The following IWS1 variants were observed in gnomAD, a reference collection of about 807,000 sequenced individuals.
IWS1 encodes the protein protein IWS1 homolog.
In IWS1, 27 loss-of-function variants were observed where a neutral mutation model predicts 86.7. The ratio of observed to expected loss-of-function variants is 0.31; its 90% confidence interval spans 0.23 to 0.43. The LOEUF is 0.43. IWS1 is among the 20% of genes least tolerant of loss of function. The pLI is 1.00. For synonymous variants in IWS1, 313 were observed against 335.1 expected (o/e 0.93, Z 0.72); for missense variants, 827 against 1,000.8 (o/e 0.83, Z 2.34).
At chr2:127,483,790 C>T (rs1295177012) in intron 13 of IWS1, among the ~76,000 whole-genome samples, 4 of 151,756 alleles carry the variant, frequency 2.6e-5, no homozygotes, top group South Asian at 2.1e-4. Context: ...CCACCATGCC[C>T]GGCTAATTTT....
intron 6 of IWS1, among the ~76,000 whole-genome samples, chr2:127,496,369 T>C (rs545527495): frequency 6.6e-6 from 1 of 152,202 alleles, no homozygotes; most frequent in African/African-American, 2.4e-5. Context: ...TAACTTTTTA[T>C]TGAAGAAAAA....
At chr2:127,509,932 A>G (rs1298550802) in intron 2 of IWS1, among the ~76,000 whole-genome samples, 1 of 152,204 alleles carries the variant, frequency 6.6e-6, no homozygotes, top group Non-Finnish European at 1.5e-5. Context: ...TATAAATCAA[A>G]TAATAATTTG....
chr2:127,516,491 T>C (rs894770240), intron 2 of IWS1, among the ~76,000 whole-genome samples: 1 of 152,114 alleles, frequency 6.6e-6, no homozygotes, highest in African/African-American at 2.4e-5. Context: ...CCTGGCACAA[T>C]GGCTCACACG....
At chr2:127,510,334 A>C (rs1461132775) in intron 2 of IWS1, among the ~76,000 whole-genome samples, 1 of 152,184 alleles carries the variant, frequency 6.6e-6, no homozygotes, top group East Asian at 1.9e-4. Context: ...AGAAACTCCC[A>C]AGCACACACT....
rs1690252121 is a variant in IWS1 at position 127,491,991 on chromosome 2, T to G, written c.2027A>C (p.Asp676Ala). 1.2e-6 allele frequency: 2 copies of G among 1,611,170 alleles called. No individual in the cohort carries two copies. Among genetic ancestry groups the G allele is most frequent in the Non-Finnish European group, 1.7e-6 (2 of 1,177,322 alleles). ...KHPKESRSNKDMAGKLINEWS... is the reference protein window; with the variant it reads ...KHPKESRSNKAMAGKLINEWS... ...CATACTGATTAATTTCCCTGCCATG[T>G]CCTTGTTAGACCTTGACTCCTTGGG... The change falls in exon 10 of 14, where the codon GAC becomes GCC. Residue 676 changes from aspartate to alanine, a missense_variant. Around this residue, in one of 2 missense-constraint regions of IWS1, gnomAD observed 279 missense variants for 440.6 expected, o/e 0.63. Transcript: ENST00000295321.
At chr2:127,482,444 GAA>G (rs1689678779) in intron 13 of IWS1, 1 of 152,238 alleles carries the variant, frequency 6.6e-6, no homozygotes, top group Admixed American at 6.5e-5. Context: ...TGTCAGATGA[GAA>G]AGAGCTATGC....
Position 127,483,574 on chromosome 2 carries a change from GGC to G in IWS1, c.2329-2401_2329-2400del, listed in dbSNP as rs1353434469. Among the ~76,000 whole-genome samples, 12 of 47,002 alleles carry G rather than the reference GGC, an allele frequency of 2.6e-4. 1 individual carries two copies. Among genetic ancestry groups the G allele is most frequent in the Admixed American group, 5.5e-4 (2 of 3,608 alleles). 30.8% of individuals were successfully genotyped at this position (47,002 alleles called of 152,430 possible). A position where few individuals can be genotyped will look rare whatever the true frequency, so the allele number is the denominator to read the frequency against. ...ATAACCAAAATTATAATTTGGTCGG[GGC>G]GGGGGGTGGTGGGGTGGGGGGGTTG... On this transcript the variant is annotated intron_variant, in intron 13 of 13. Coordinates refer to ENST00000295321, the MANE Select transcript of IWS1 (RefSeq NM_017969.3).
chr2:127,507,560 A>AT (rs1691210432), intron 2 of IWS1, among the ~76,000 whole-genome samples: 1 of 152,220 alleles, frequency 6.6e-6, no homozygotes, highest in Admixed American at 6.5e-5. Flanking sequence ...GACTTGAGAG[A>AT]TATCATAGAA....
At chr2:127,509,020 T>C (rs1458916520) in intron 2 of IWS1, among the ~76,000 whole-genome samples, 1 of 152,222 alleles carries the variant, frequency 6.6e-6, no homozygotes, top group African/African-American at 2.4e-5. Flanking sequence ...CTCATGAATT[T>C]TTTATGAGTT....
chr2:127,497,113 T>A (rs753588758), intron 6 of IWS1, among the ~76,000 whole-genome samples: 6 of 40,914 alleles, frequency 1.5e-4, no homozygotes, highest in Non-Finnish European at 4.7e-4. Context: ...TATATCCCTG[T>A]TGTTAAGCGA....
intron 4 of IWS1, 60 bp from the exon 5 acceptor site, chr2:127,502,932 A>G: frequency 4.2e-6 from 4 of 954,406 alleles, no homozygotes; most frequent in Admixed American, 2.0e-5. Flanking sequence ...CATAGGAACC[A>G]TTTTTTAAAA....
At position 127,504,819 on chromosome 2, in the gene IWS1, T is replaced by C; in HGVS notation, c.1084A>G (p.Ser362Gly). The change falls in exon 3 of 14, where the codon AGT becomes GGT. Residue 362 changes from serine to glycine, a missense_variant. Around this residue, in one of 2 missense-constraint regions of IWS1, gnomAD observed 548 missense variants for 560.2 expected, o/e 0.98. Coordinates refer to ENST00000295321, the MANE Select transcript of IWS1 (RefSeq NM_017969.3). ...TGTTCTTCCTCCTCACTATCAGAACTGTGAAACTTTTTTCTGTCCATATGG... is the reference window on the plus strand; with the variant it reads ...TGTTCTTCCTCCTCACTATCAGAACCGTGAAACTTTTTTCTGTCCATATGG... ...DSHMDRKKFH[S>G]SDSEEEEHKK... is the part of the protein sequence containing the mutation. 6.2e-7 allele frequency: 1 copy of C among 1,614,228 alleles called. No individual in the cohort carries two copies. The highest frequency in any genetic ancestry group is 1.6e-4 in the Middle Eastern group (1 of 6,062).
chr2:127,507,346 T>C (rs184157130), intron 2 of IWS1, among the ~76,000 whole-genome samples: 1 of 152,338 alleles, frequency 6.6e-6, no homozygotes, highest in East Asian at 1.9e-4. Flanking sequence ...CAGCACAGCA[T>C]TGCAAAGAGT....
At chr2:127,486,459 C>A in intron 13 of IWS1, 94 bp downstream of exon 13, 1 of 905,720 alleles carries the variant, frequency 1.1e-6, no homozygotes, top group Admixed American at 1.9e-5. Context: ...ATCAGACAAA[C>A]TTCAAGAGCT....
At chr2:127,494,255 A>G (rs1446648874) in intron 8 of IWS1, among the ~76,000 whole-genome samples, 2 of 151,588 alleles carry the variant, frequency 1.3e-5, no homozygotes, top group African/African-American at 4.8e-5. Flanking sequence ...TAAAAAAAAA[A>G]AAAAAAAAAA....
intron 2 of IWS1, among the ~76,000 whole-genome samples, chr2:127,519,651 A>T (rs1691978104): frequency 6.6e-5 from 10 of 152,178 alleles, no homozygotes; most frequent in Admixed American, 6.5e-4. Flanking sequence ...ATGGCCCTTC[A>T]AAAATGTCCA....
chr2:127,498,283 T>C (rs1484917926), intron 5 of IWS1, 46 bp from the exon 6 acceptor site: 1 of 1,560,750 alleles, frequency 6.4e-7, no homozygotes, highest in African/African-American at 1.4e-5. Flanking sequence ...TTCTTCTGTA[T>C]TAAGTGTTCT....
chr2:127,500,970 G>C lies in IWS1; in HGVS notation c.1467+1845C>G, dbSNP rs1299954354. Among the ~76,000 whole-genome samples, 3 of 152,146 alleles carry C rather than the reference G, an allele frequency of 2.0e-5. 1 individual carries two copies. The South Asian group carries it at 6.2e-4, about 32-fold the overall frequency. ...TTCATACACATTTGCAAAGGCCTAT[G>C]AGCACTTCAATTCCACGTATGCTCC... On this transcript the variant is annotated intron_variant, in intron 5 of 13. Coordinates refer to ENST00000295321, the MANE Select transcript of IWS1 (RefSeq NM_017969.3).
chr2:127,522,855 C>T (rs970241768), intron 2 of IWS1, among the ~76,000 whole-genome samples: 3 of 152,108 alleles, frequency 2.0e-5, no homozygotes, highest in Non-Finnish European at 4.4e-5. Context: ...AGAGCAAATA[C>T]GTTAAAATGT....
Sources: gnomAD v4.1 joint callset for allele counts (sites outside exome capture counted in the v4.1 genomes callset) on GRCh38, gnomAD v4.1.1 for gene constraint, gnomAD v4.1.1 regional missense constraint, MANE v1.5 for transcripts, NCBI Gene and HGNC (gene_info 2026-07-23, HGNC 2026-07-21) for gene names.